LMF2: variants seen among roughly 807,000 people sequenced by gnomAD.
LMF2 encodes the protein lipase maturation factor 2.
Under a neutral mutation model 81.5 loss-of-function variants are expected in LMF2, and 113 were observed. The observed-to-expected ratio is 1.39, with a 90% CI of 1.19 to 1.62. The LOEUF is 1.62. Ranked by LOEUF, LMF2 falls within the 40% of genes most tolerant of loss-of-function variation. The pLI, the probability that LMF2 is intolerant of heterozygous loss-of-function variation, is 0.00. For synonymous variants in LMF2, 645 were observed against 424.5 expected (o/e 1.52, Z -6.39); for missense variants, 1,235 against 929.1 (o/e 1.33, Z -4.28).
intron 1 of LMF2, 60 bp downstream of exon 1, chr22:50,507,522 G>A: frequency 1.5e-6 from 2 of 1,292,038 alleles, no homozygotes; most frequent in Non-Finnish European, 2.2e-6. Context: ...CGGGCACAGA[G>A]AAAAGAGGAC....
chr22:50,505,765 G>A lies in LMF2; in HGVS notation c.825C>T (p.Asn275=), dbSNP rs371389905. 86 of 1,613,164 alleles carry A rather than the reference G, an allele frequency of 5.3e-5. No homozygotes were observed. The Admixed American group carries it at 5.3e-4, about 10-fold the overall frequency. The change falls in exon 6 of 14, where the codon AAC becomes AAT. Residue 275 remains asparagine, a synonymous_variant. Coordinates refer to ENST00000474879, the MANE Select transcript of LMF2 (RefSeq NM_033200.3). ...CAGTGGTAAGCACCAGCGTCATCAG[G>A]TTGAAGAAGTTGTAGTTGCCGGTGA... ...IIITGNYNFF[N]LMTLVLTTAL...
rs574969929 is a variant in LMF2 at position 50,504,381 on chromosome 22, G to A, written c.1677C>T (p.Ala559=). ...GGGAGAACCAGTACTTGTAGCGCTG[G>A]GCTCGGACGTAGGTGGGCGGCTGCT... is the stretch of plus-strand genomic sequence containing the variant. ...FHKQPPTYVR[A]QRYKYWFSQP... The change falls in exon 12 of 14, where the codon GCC becomes GCT. Residue 559 remains alanine (A), a synonymous_variant. Coordinates refer to ENST00000474879, the MANE Select transcript of LMF2 (RefSeq NM_033200.3). The A allele has an allele frequency of 2.5e-6, 4 of 1,612,196 alleles. No homozygotes were observed. Among genetic ancestry groups the A allele is most frequent in the Non-Finnish European group, 8.5e-7 (1 of 1,179,668 alleles).
chr22:50,507,510 G>T, intron 1 of LMF2, 72 bp downstream of exon 1: 1 of 1,189,336 alleles, frequency 8.4e-7, no homozygotes, highest in Non-Finnish European at 1.2e-6. Flanking sequence ...CTGCGTGAGT[G>T]CCGGGCACAG....
In LMF2 at chr22:50,507,600, G is replaced by A; in HGVS notation, c.76C>T (p.Leu26Phe). Residue 26 changes from leucine to phenylalanine, a missense_variant, in exon 1 of 14, where the codon CTC becomes TTC. Transcript: ENST00000474879. ...CCTTCACCTGGGATTTGCGTGTAGA[G>A]GGAAGCGAAAGCAAACATGAAGACG... is the stretch of plus-strand genomic sequence containing the variant. Reference protein sequence around the residue: ...AAVFMFAFASLYTQIPGLYGP... With the variant: ...AAVFMFAFASFYTQIPGLYGP... 1 of 1,565,246 alleles carries A rather than the reference G, an allele frequency of 6.4e-7. No homozygotes were observed. The highest frequency in any genetic ancestry group is 8.7e-7 in the Non-Finnish European group (1 of 1,155,772).
chr22:50,507,322 C>G, intron 1 of LMF2: 1 of 607,946 alleles, frequency 1.6e-6, no homozygotes, highest in Non-Finnish European at 2.9e-6. Context: ...CCCACCAGGT[C>G]TGGGAGGAAG....
Position 50,505,439 on chromosome 22 carries a change from C to A in LMF2, c.1015G>T (p.Val339Phe). The A allele has an allele frequency of 1.2e-6, 2 of 1,613,096 alleles. No individual in the cohort carries two copies. Among genetic ancestry groups the A allele is most frequent in the Non-Finnish European group, 1.7e-6 (2 of 1,180,036 alleles). ...TGGATGGTGCGCTGCTGCCAGTCAA[C>A]CTCCAGGCCAAAGTAGTGCACAGTG... Reference protein sequence around the residue: ...YGTVHYFGLEVDWQQRTIHSR... With the variant: ...YGTVHYFGLEFDWQQRTIHSR... Residue 339 changes from valine (V) to phenylalanine (F), a missense_variant, in exon 7 of 14, where the codon GTT becomes TTT. Transcript: ENST00000474879.
In LMF2 at chr22:50,505,471, G is replaced by C; in HGVS notation, c.983C>G (p.Ala328Gly). Residue 328 changes from alanine (A) to glycine (G), a missense_variant, in exon 7 of 14, where the codon GCC becomes GGC. Transcript: ENST00000474879. ...LLELAVYGLL[A>G]YGTVHYFGLE... The stretch of plus-strand genomic sequence containing the variant: ...GCCAAAGTAGTGCACAGTGCCATAG[G>C]CCAGAAGCCCGTAGACGGCTAGTTC... The C allele has an allele frequency of 6.2e-7, 1 of 1,612,982 alleles. No homozygotes were observed. The highest frequency in any genetic ancestry group is 8.5e-7 in the Non-Finnish European group (1 of 1,180,034).
In LMF2 at chr22:50,506,218, A is replaced by T; in HGVS notation, c.596-5T>A. 1 of 1,552,326 alleles carries T rather than the reference A, an allele frequency of 6.4e-7. No individual in the cohort carries two copies. Among genetic ancestry groups the T allele is most frequent in the Admixed American group, 2.0e-5 (1 of 51,152 alleles). ...TCTCGTAGTGGTAGGTGAGGGCTGC[A>T]GGCGAGGGCAGGAGTCAGGGCTGGC... On this transcript the variant is annotated splice_region_variant and splice_polypyrimidine_tract_variant and intron_variant, in intron 4 of 13. Transcript: ENST00000474879.
rs143503153 is a variant in LMF2, at chr22:50,504,412, A to C, written c.1646T>G (p.Phe549Cys). Residue 549 changes from phenylalanine (F) to cysteine (C), a missense_variant, in exon 12 of 14, where the codon TTC becomes TGC. Coordinates refer to ENST00000474879, the MANE Select transcript of LMF2 (RefSeq NM_033200.3). ...LVQSQVARYPFHKQPPTYVRA... is the reference protein window; with the variant it reads ...LVQSQVARYPCHKQPPTYVRA... ...GACGTAGGTGGGCGGCTGCTTGTGG[A>C]AGGGATACCTGGCCACTTGGCTCTG... 50 of 1,612,286 alleles carry C rather than the reference A, an allele frequency of 3.1e-5. No homozygotes were observed. In the African/African-American group the frequency reaches 6.1e-4, roughly 20 times the overall value.
At chr22:50,507,227 G>A (rs150240876) in intron 1 of LMF2, 192 bp from the exon 2 acceptor site, 5 of 926,088 alleles carry the variant, frequency 5.4e-6, no homozygotes, top group East Asian at 5.4e-5. Flanking sequence ...CAGGGCTAGA[G>A]GCCTGCTCAA....
intron 12 of LMF2, 72 bp from the exon 13 acceptor site, chr22:50,503,976 T>C: frequency 7.3e-7 from 1 of 1,365,466 alleles, no homozygotes; most frequent in Middle Eastern, 1.9e-4. Context: ...TGCCCAGCCT[T>C]ACCCCTGCTC....
Position 50,504,576 on chromosome 22 carries a change from A to T in LMF2, c.1589T>A (p.Leu530Gln). The change falls in exon 11 of 14, where the codon CTG (leucine) becomes CAG (glutamine). Residue 530 changes from leucine to glutamine, a missense_variant. By Grantham distance (113) the Leu-to-Gln change is moderately radical. Coordinates refer to ENST00000474879, the MANE Select transcript of LMF2 (RefSeq NM_033200.3). ...PWFTSLVLRL[L>Q]QGKEPVIRLV... ...CTCCGCACCTGGCTCCTTGCCCTGC[A>T]GCAGGCGCAAGACCAGGCTTGTGAA... 6.3e-7 allele frequency: 1 copy of T among 1,576,090 alleles called. No homozygotes were observed. Among genetic ancestry groups the T allele is most frequent in the Non-Finnish European group, 8.6e-7 (1 of 1,164,314 alleles).
rs746006655 is a variant in LMF2 at position 50,505,164 on chromosome 22, G to A, written c.1158-11C>T. 2.5e-5 allele frequency: 41 copies of A among 1,612,792 alleles called. No homozygotes were observed. The Admixed American group carries it at 4.3e-4, about 17-fold the overall frequency. ...CGCACCTGGGTCCACCTGTGGGCAAGGACCCAAGGTCGTCAGGCCGGCCCT... is the reference window on the plus strand; with the variant it reads ...CGCACCTGGGTCCACCTGTGGGCAAAGACCCAAGGTCGTCAGGCCGGCCCT... On this transcript the variant is annotated splice_polypyrimidine_tract_variant and intron_variant, in intron 8 of 13. Transcript: ENST00000474879.
Position 50,504,883 on chromosome 22 carries a change from G to A in LMF2, c.1356C>T (p.Tyr452=), listed in dbSNP as rs745827387. Residue 452 remains tyrosine, a synonymous_variant, in exon 10 of 14, where the codon TAC becomes TAT. Transcript: ENST00000474879. ...AVEHLQLANS[Y]GLFRRMTGLG... ...GCCCAGTCATGCGGCGGAAGAGGCC[G>A]TAGGAGTTGGCCAGCTGTAGGTGCT... 15 of 1,610,424 alleles carry A rather than the reference G, an allele frequency of 9.3e-6. No individual in the cohort carries two copies. The highest frequency in any genetic ancestry group is 6.6e-5 in the South Asian group (6 of 90,910).
At chr22:50,507,508 G>A (rs1015018858) in intron 1 of LMF2, 74 bp downstream of exon 1, 3 of 1,185,126 alleles carry the variant, frequency 2.5e-6, no homozygotes, top group South Asian at 1.3e-5. Flanking sequence ...GACTGCGTGA[G>A]TGCCGGGCAC....
Position 50,503,546 on chromosome 22 carries a change from C to CTA in LMF2, c.1967_1968dup (p.Ala657Ter), listed in dbSNP as rs766226661. 7.1e-6 allele frequency: 11 copies of CTA among 1,556,936 alleles called. No individual in the cohort carries two copies. In the South Asian group the frequency reaches 1.3e-4, roughly 19 times the overall value. On this transcript the variant is annotated frameshift_variant, in exon 14 of 14. Coordinates refer to ENST00000474879, the MANE Select transcript of LMF2 (RefSeq NM_033200.3). LOFTEE classifies it low-confidence loss of function (END_TRUNC). ...GGGGAGGACCGGAGAGAACAGGGTG[C>CTA]TAGCAGGGCTTGCACAAATCTGACA...
rs571138912 is a variant in LMF2, at chr22:50,503,586, G to A, written c.1929C>T (p.Leu643=). The A allele has an allele frequency of 3.6e-5, 55 of 1,546,786 alleles. No individual in the cohort carries two copies. The East Asian group carries it at 9.4e-4, about 26-fold the overall frequency. Residue 643 remains leucine (L), a synonymous_variant, in exon 14 of 14, where the codon CTC becomes CTT. Transcript: ENST00000474879. ...LEAPALLWGL[L]MAVGAVRFVQ... ...CAAATCTGACAGCCCCCACGGCCAT[G>A]AGGAGCCCCCAGAGCAGGGCGGGGG...
intron 1 of LMF2, 96 bp from the exon 2 acceptor site, chr22:50,507,131 G>A (rs1222105676): frequency 2.1e-5 from 31 of 1,477,738 alleles, no homozygotes; most frequent in Non-Finnish European, 2.7e-5. Context: ...CTAGGTCAGA[G>A]CATGCGGATA....
chr22:50,505,584 G>C, intron 6 of LMF2, 47 bp from the exon 7 acceptor site: 1 of 1,610,778 alleles, frequency 6.2e-7, no homozygotes, highest in Non-Finnish European at 8.5e-7. Context: ...CCCAGCCAGG[G>C]GGCTGGGGTG....
Sources: allele counts gnomAD v4.1 joint callset, GRCh38; gene constraint gnomAD v4.1.1; transcripts MANE v1.5; gene names NCBI Gene and HGNC (gene_info 2026-07-23, HGNC 2026-07-21).